The following STRN3 variants were observed in gnomAD, a reference collection of about 807,000 sequenced individuals.
STRN3 encodes striatin-3.
A neutral mutation model predicts 95.6 loss-of-function variants in STRN3; 29 were observed. The observed-to-expected ratio is 0.30, with a 90% CI of 0.23 to 0.41. STRN3 has a LOEUF of 0.41. Among genes scored for constraint, STRN3 ranks in the 10% least tolerant of loss-of-function variants. The pLI is 1.00. For missense variants in STRN3, 890 were observed against 972.1 expected, an observed-to-expected ratio of 0.92 and a Z score of 1.12; for synonymous variants, 331 against 357.6, an observed-to-expected ratio of 0.93 and a Z score of 0.84.
chr14:30,986,308 TAC>T (rs1484535428), intron 1 of STRN3, among the ~76,000 whole-genome samples: 1 of 147,338 alleles, frequency 6.8e-6, no homozygotes, highest in Non-Finnish European at 1.5e-5. Flanking sequence ...TTAAGAGAAA[TAC>T]GTATTTTTAT....
At chr14:30,909,810 G>GT in intron 13 of STRN3, among the ~76,000 whole-genome samples, 1 of 152,248 alleles carries the variant, frequency 6.6e-6, no homozygotes, top group East Asian at 1.9e-4. Context: ...TGAATTTTGT[G>GT]ATATGTAAAT....
At chr14:30,968,632 A>C (rs1450471155) in intron 1 of STRN3, among the ~76,000 whole-genome samples, 1 of 151,030 alleles carries the variant, frequency 6.6e-6, no homozygotes, top group African/African-American at 2.4e-5. Flanking sequence ...CGAGCCAAGA[A>C]GGCACCACCG....
At chr14:31,010,725 T>A (rs179718) in intron 1 of STRN3, among the ~76,000 whole-genome samples, 96,807 of 152,102 alleles carry the variant, frequency 0.64, 31,809 homozygotes, top group Non-Finnish European at 0.73. Flanking sequence ...CACAGTGCAT[T>A]AATCTCAGGC....
chr14:30,916,089 T>C (rs1896731550), intron 9 of STRN3, among the ~76,000 whole-genome samples: 1 of 152,168 alleles, frequency 6.6e-6, no homozygotes, highest in Non-Finnish European at 1.5e-5. Flanking sequence ...CTACTACCTC[T>C]GCTTTCCATA....
chr14:30,920,491 C>T (rs1896852166), intron 8 of STRN3, among the ~76,000 whole-genome samples: 1 of 152,106 alleles, frequency 6.6e-6, no homozygotes, highest in Admixed American at 6.5e-5. Context: ...TGTAACCTTG[C>T]CACTTAAATG....
chr14:30,935,365 T>C (rs371336508), intron 6 of STRN3, 61 bp from the exon 7 acceptor site: 123 of 1,546,626 alleles, frequency 8.0e-5, no homozygotes, highest in East Asian at 8.0e-4. Flanking sequence ...GATGCTTTAA[T>C]ATTGTCACAT....
At chr14:30,939,474 T>A (rs573367258) in intron 5 of STRN3, among the ~76,000 whole-genome samples, 1 of 152,124 alleles carries the variant, frequency 6.6e-6, no homozygotes, top group South Asian at 2.1e-4. Context: ...AATCAGCCAG[T>A]GAAGAAAAAG....
chr14:30,946,951 C>G (rs1360121822), intron 5 of STRN3, 139 bp downstream of exon 5: 2 of 525,894 alleles, frequency 3.8e-6, no homozygotes, highest in Non-Finnish European at 5.9e-6. Flanking sequence ...TGCACTCCAG[C>G]TTGGGCGACA....
intron 8 of STRN3, among the ~76,000 whole-genome samples, chr14:30,924,306 T>C (rs1326452825): frequency 1.6e-5 from 2 of 128,928 alleles, no homozygotes; most frequent in African/African-American, 5.7e-5. Context: ...TTTTTTTTTT[T>C]TGAGATGGTC....
At chr14:30,931,241 A>G (rs1464102919) in intron 7 of STRN3, among the ~76,000 whole-genome samples, 4 of 152,194 alleles carry the variant, frequency 2.6e-5, no homozygotes, top group Non-Finnish European at 5.9e-5. Flanking sequence ...CCTGGTAAGT[A>G]ACAGCTGTTT....
At chr14:30,911,020 C>A (rs1482588070) in intron 13 of STRN3, 21 bp downstream of exon 13, 2 of 1,607,500 alleles carry the variant, frequency 1.2e-6, no homozygotes. Flanking sequence ...AAAAAAAATA[C>A]ATTTTGATCA....
In STRN3 at chr14:30,924,822, C is replaced by T. The variant is rs139655433; in HGVS notation, c.1099+4379G>A. ...CTACAATGTGCTACTGTACTCCATC[C>T]GAGGCAGCAGAGTGACAGCCTGTCT... On this transcript the variant is annotated intron_variant, in intron 8 of 17. Transcript: ENST00000357479. 2.9e-4 allele frequency among the ~76,000 whole-genome samples: 44 copies of T among 152,036 alleles called. 1 individual carries two copies. The highest frequency in any genetic ancestry group is 1.0e-3 in the South Asian group (5 of 4,806).
At chr14:30,967,194 C>T (rs1880560557) in intron 1 of STRN3, among the ~76,000 whole-genome samples, 1 of 149,290 alleles carries the variant, frequency 6.7e-6, no homozygotes, top group South Asian at 2.1e-4. Context: ...CAGGTCCCTA[C>T]CCTAGAGGCA....
At chr14:30,954,807 G>A (rs117922484) in intron 3 of STRN3, among the ~76,000 whole-genome samples, 186 of 151,900 alleles carry the variant, frequency 1.2e-3, no homozygotes, top group Non-Finnish European at 1.6e-3. Flanking sequence ...CAGGCTCAGT[G>A]TGGCTTTAAC....
intron 8 of STRN3, among the ~76,000 whole-genome samples, chr14:30,922,539 A>G (rs1336735319): frequency 6.6e-6 from 1 of 152,146 alleles, no homozygotes; most frequent in Non-Finnish European, 1.5e-5. Flanking sequence ...GCCCTATATA[A>G]CTGTAAGTAA....
intron 3 of STRN3, among the ~76,000 whole-genome samples, chr14:30,951,907 C>G (rs953090675): frequency 1.1e-4 from 17 of 152,090 alleles, no homozygotes; most frequent in Non-Finnish European, 2.2e-4. Context: ...CACTTGAGCA[C>G]GGGAATTCAA....
intron 16 of STRN3, among the ~76,000 whole-genome samples, chr14:30,902,259 C>T (rs537400557): frequency 7.1e-6 from 1 of 140,706 alleles, no homozygotes; most frequent in South Asian, 2.5e-4. Context: ...CATACTTATT[C>T]ATAACAGAAT....
intron 7 of STRN3, among the ~76,000 whole-genome samples, chr14:30,929,968 A>AAAAAAAAAAAACAAAAAAAC (rs1566441473): frequency 3.3e-5 from 4 of 121,830 alleles, no homozygotes; most frequent in African/African-American, 1.1e-4. Context: ...AAAAAAAAAA[A>AAAAAAAAAAAACAAAAAAAC]AAAAAAAAAA....
chr14:31,018,696 T>C (rs886861089), intron 1 of STRN3: 8 of 455,096 alleles, frequency 1.8e-5, no homozygotes, highest in Non-Finnish European at 2.6e-5. Context: ...ATTGAGCTTG[T>C]TGATAAACTT....
Sources: allele counts gnomAD v4.1 joint callset (sites outside exome capture counted in the v4.1 genomes callset), GRCh38; gene constraint gnomAD v4.1.1; transcripts MANE v1.5; gene names NCBI Gene and HGNC (gene_info 2026-07-23, HGNC 2026-07-21).